The following TRPM1 variants were observed in gnomAD, a reference collection of about 807,000 sequenced individuals.
The protein encoded by TRPM1 is TRPM1-203 APA Isoform, Intron 10.
TRPM1 carries 113 observed loss-of-function variants against 149.4 expected under a neutral mutation model. That is an observed-to-expected ratio of 0.76 (90% CI 0.65 to 0.88). The LOEUF (loss-of-function observed/expected upper bound fraction) is 0.88, where lower values mean the gene tolerates loss of function less well. Among genes scored for constraint, TRPM1 ranks in the 40% least tolerant of loss-of-function variants. The probability of loss-of-function intolerance (pLI) is 0.00; values close to 1 mark genes in which losing one functional copy is unlikely to be tolerated. For missense variants in TRPM1, 1,976 were observed against 2,038.7 expected (o/e 0.97, Z 0.59); for synonymous variants, 741 against 759.5 (o/e 0.98, Z 0.40).
chr15:31,094,974 G>A (rs1399892751), intron 1 of TRPM1, among the ~76,000 whole-genome samples: 1 of 152,234 alleles, frequency 6.6e-6, no homozygotes, highest in East Asian at 1.9e-4. Flanking sequence ...ATGTCCATCA[G>A]TGGATAGATG....
At chr15:31,139,435 C>T (rs2036130519) in intron 1 of TRPM1, among the ~76,000 whole-genome samples, 1 of 152,030 alleles carries the variant, frequency 6.6e-6, no homozygotes. Context: ...AATGAATAAT[C>T]TTATTAAAAC....
rs200966715 is a variant in TRPM1 at position 31,031,071 on chromosome 15, C to T, written c.3039G>A (p.Glu1013=). 62 of 1,614,042 alleles carry T rather than the reference C, an allele frequency of 3.8e-5. No individual in the cohort carries two copies. Among genetic ancestry groups the T allele is most frequent in the Non-Finnish European group, 5.1e-5 (60 of 1,180,032 alleles). The part of the protein sequence containing the change: ...GVARQAILHP[E]EKPSWKLARN... Reference sequence around the variant, plus strand: ...GGGCCAGTTTCCAAGAGGGCTTCTCCTCTGGATGCAGAATGGCTTGACGGG... The same window carrying T: ...GGGCCAGTTTCCAAGAGGGCTTCTCTTCTGGATGCAGAATGGCTTGACGGG... Residue 1013 remains glutamate, a synonymous_variant, in exon 23 of 28, where the codon GAG becomes GAA. Coordinates refer to ENST00000256552, the MANE Select transcript of TRPM1 (RefSeq NM_001252024.2).
At position 31,081,524 on chromosome 15, in the gene TRPM1, T is replaced by C. The variant is rs4779504; in HGVS notation, c.-83-86A>G. On this transcript the variant is annotated intron_variant, in intron 1 of 27. Coordinates refer to ENST00000256552, the MANE Select transcript of TRPM1 (RefSeq NM_001252024.2). ...AAGATGAACAAATCCTGCCCTCCCT[T>C]TGTTCCAGTCTCTGCTCTAATGTGG... 0.5 allele frequency: 421,776 copies of C among 845,608 alleles called. 108,386 individuals carry two copies. Among genetic ancestry groups the C allele is most frequent in the East Asian group, 0.78 (29,488 of 37,778 alleles). The allele number at this position is 845,608 out of a possible 1,614,324, so 52.4% of individuals were successfully genotyped here. A position where few individuals can be genotyped will look rare whatever the true frequency, so the allele number is the denominator to read the frequency against.
In TRPM1 at chr15:31,113,519, T is replaced by C. The variant is rs1375776513; in HGVS notation, c.55-36535A>G. 2.6e-5 allele frequency among the ~76,000 whole-genome samples: 4 copies of C among 152,098 alleles called. No individual in the cohort carries two copies. The East Asian group carries it at 5.8e-4, about 22-fold the overall frequency. ...GACAGTGACTGAGAATTTTCCAAAC[T>C]GTCAAAAAACATTTTTCTTTGTACT... On this transcript the variant is annotated intron_variant, in intron 1 of 26. Coordinates refer to the TRPM1 transcript ENST00000542188.
intron 1 of TRPM1, among the ~76,000 whole-genome samples, chr15:31,089,721 C>T (rs570043553): frequency 6.6e-6 from 1 of 152,220 alleles, no homozygotes; most frequent in South Asian, 2.1e-4. Context: ...GATGACCTCT[C>T]CAAGGCCTGG....
chr15:31,036,010 T>G (rs1310895738), intron 20 of TRPM1: 1 of 373,172 alleles, frequency 2.7e-6, no homozygotes, highest in African/African-American at 2.1e-5. Context: ...GAGTGTCTTC[T>G]ACATTCCTGG....
intron 1 of TRPM1, among the ~76,000 whole-genome samples, chr15:31,087,414 G>A (rs1000492374): frequency 5.3e-5 from 8 of 151,314 alleles, no homozygotes; most frequent in Middle Eastern, 3.4e-3. Context: ...ACCACGCCCC[G>A]CTAATTTTTT....
chr15:31,079,324 C>T (rs1156939812), intron 2 of TRPM1, among the ~76,000 whole-genome samples: 2 of 151,950 alleles, frequency 1.3e-5, no homozygotes, highest in Non-Finnish European at 2.9e-5. Context: ...GCTTCTGACT[C>T]TGGTTTCTCA....
intron 1 of TRPM1, among the ~76,000 whole-genome samples, chr15:31,085,390 T>A (rs1404191211): frequency 6.6e-6 from 1 of 152,210 alleles, no homozygotes; most frequent in Non-Finnish European, 1.5e-5. Context: ...AATCATAGGG[T>A]ATGTCTCTAA....
intron 1 of TRPM1, among the ~76,000 whole-genome samples, chr15:31,110,258 C>A (rs1037731727): frequency 1.1e-4 from 17 of 152,084 alleles, no homozygotes; most frequent in African/African-American, 4.1e-4. Flanking sequence ...ATTTATATTT[C>A]ATTGAACAAT....
intron 27 of TRPM1, among the ~76,000 whole-genome samples, chr15:31,006,189 T>TC (rs887345873): frequency 8.5e-5 from 13 of 152,100 alleles, no homozygotes; most frequent in Admixed American, 7.2e-4. Context: ...TCTTTTCTTT[T>TC]TTTTTTGAGA....
rs779821510 is a variant in TRPM1 at position 31,029,370 on chromosome 15, C to T, written c.3148+1G>A. 1.7e-5 allele frequency: 28 copies of T among 1,613,478 alleles called. No homozygotes were observed. Among genetic ancestry groups the T allele is most frequent in the Non-Finnish European group, 2.2e-5 (26 of 1,179,712 alleles). On this transcript the variant is annotated splice_donor_variant, in intron 24 of 27. Transcript: ENST00000256552. LOFTEE classifies it high-confidence loss of function. ...GAATAATCAATTCCATGTAAACTTA[C>T]GATTAATTTCCATGGCGTAGACTAC... is the stretch of plus-strand genomic sequence containing the variant.
chr15:31,061,605 G>A (rs576509203), intron 9 of TRPM1, 91 bp from the exon 10 acceptor site: 34 of 1,024,898 alleles, frequency 3.3e-5, no homozygotes, highest in South Asian at 3.1e-4. Flanking sequence ...AGACTGACAC[G>A]TAATAAAATG....
chr15:31,113,506 G>T (rs117240482), intron 1 of TRPM1, among the ~76,000 whole-genome samples: 138 of 151,968 alleles, frequency 9.1e-4, no homozygotes, highest in Non-Finnish European at 1.7e-3. Context: ...CAGTGACTGA[G>T]AATTTTCCAA....
At chr15:31,103,876 C>T (rs1387594946), upstream of TRPM1, among the ~76,000 whole-genome samples, 1 of 151,702 alleles carries the variant, frequency 6.6e-6, no homozygotes, top group Non-Finnish European at 1.5e-5. Context: ...AAAATTGCCT[C>T]TGCTCTGTGG....
chr15:31,116,099 G>T (rs2035794278), intron 1 of TRPM1, among the ~76,000 whole-genome samples: 1 of 152,016 alleles, frequency 6.6e-6, no homozygotes, highest in African/African-American at 2.4e-5. Context: ...CAATAATTTT[G>T]GCAGGGACAC....
intron 1 of TRPM1, among the ~76,000 whole-genome samples, chr15:31,116,512 G>T (rs2141029731): frequency 6.6e-6 from 1 of 152,120 alleles, no homozygotes; most frequent in African/African-American, 2.4e-5. Context: ...GGAGGCAGGA[G>T]AATCACTTGA....
intron 27 of TRPM1, among the ~76,000 whole-genome samples, chr15:31,023,001 G>T (rs563309231): frequency 6.6e-6 from 1 of 152,196 alleles, no homozygotes; most frequent in African/African-American, 2.4e-5. Flanking sequence ...GGCACAGAGC[G>T]AGACCTTGTC....
intron 2 of TRPM1, among the ~76,000 whole-genome samples, chr15:31,079,867 C>T (rs1036575289): frequency 3.9e-5 from 6 of 152,078 alleles, no homozygotes; most frequent in African/African-American, 1.2e-4. Context: ...AGGGCTGGGG[C>T]GGGGAAGTAT....
Sources: gnomAD v4.1 joint callset for allele counts (sites outside exome capture counted in the v4.1 genomes callset) on GRCh38, gnomAD v4.1.1 for gene constraint, MANE v1.5 for transcripts, NCBI Gene and HGNC (gene_info 2026-07-23, HGNC 2026-07-21) for gene names.